The following SYT1 variants were observed in gnomAD, a reference collection of about 807,000 sequenced individuals.
The protein encoded by SYT1 is synaptotagmin 1, also known as synaptotagmin-1.
In SYT1, 8 loss-of-function variants were observed where a neutral mutation model predicts 44.8. That is an observed-to-expected ratio of 0.18 (90% CI 0.10 to 0.32). The LOEUF (loss-of-function observed/expected upper bound fraction) is 0.32, where lower values mean the gene tolerates loss of function less well. Among genes scored for constraint, SYT1 ranks in the 10% least tolerant of loss-of-function variants. The pLI is 1.00. For synonymous variants in SYT1, 154 were observed against 188.8 expected (o/e 0.82, Z 1.51); for missense variants, 286 against 509.3 (o/e 0.56, Z 4.22).
chr12:79,258,373 C>G (rs555755167), intron 4 of SYT1, among the ~76,000 whole-genome samples: 3 of 100,122 alleles, frequency 3.0e-5, no homozygotes, highest in East Asian at 4.5e-4. Flanking sequence ...ACTGCCTGAA[C>G]AGCATCACTT....
chr12:79,076,823 G>T lies in SYT1; in HGVS notation c.-18+29461G>T, dbSNP rs1329761474. Among the ~76,000 whole-genome samples the T allele has an allele frequency of 1.3e-5, 2 of 152,112 alleles. 1 individual carries two copies. The highest frequency in any genetic ancestry group is 2.9e-5 in the Non-Finnish European group (2 of 68,016). On this transcript the variant is annotated intron_variant, in intron 3 of 10. Coordinates refer to ENST00000261205, the MANE Select transcript of SYT1 (RefSeq NM_005639.3). Reference sequence around the variant, plus strand: ...CTGTCTACTAAAAATACAAAAATTGGCTGGGCATGGTGGCACGCATCTATA... The same window carrying T: ...CTGTCTACTAAAAATACAAAAATTGTCTGGGCATGGTGGCACGCATCTATA...
In SYT1 at chr12:79,044,288, T is replaced by C. The variant is rs1320983180; in HGVS notation, c.-83-3009T>C. Among the ~76,000 whole-genome samples the C allele has an allele frequency of 2.6e-5, 4 of 152,234 alleles. No individual in the cohort carries two copies. The East Asian group carries it at 7.7e-4, about 29-fold the overall frequency. The stretch of plus-strand genomic sequence containing the variant: ...CCAGTCAGACGTAGACTTGGTCTTT[T>C]CACATAGTCCCATATTTCTTGGAAG... On this transcript the variant is annotated intron_variant, in intron 2 of 10. Transcript: ENST00000261205.
At chr12:79,432,587 G>A (rs1593063307) in intron 9 of SYT1, among the ~76,000 whole-genome samples, 1 of 152,124 alleles carries the variant, frequency 6.6e-6, no homozygotes, top group East Asian at 1.9e-4. Flanking sequence ...GGTAGCACAG[G>A]GAAAGAAACT....
intron 9 of SYT1, among the ~76,000 whole-genome samples, chr12:79,362,900 A>G (rs1451682533): frequency 6.6e-6 from 1 of 152,218 alleles, no homozygotes; most frequent in Non-Finnish European, 1.5e-5. Context: ...GCTCTAGGAA[A>G]TGGAACAGAT....
intron 8 of SYT1, among the ~76,000 whole-genome samples, chr12:79,308,548 GAAA>G (rs1245137786): frequency 6.7e-4 from 82 of 122,508 alleles, no homozygotes; most frequent in African/African-American, 2.3e-3. Context: ...AAGAAAGAAA[GAAA>G]AAAGAAAGAA....
chr12:79,133,551 T>G (rs1868989169), intron 3 of SYT1, among the ~76,000 whole-genome samples: 1 of 152,156 alleles, frequency 6.6e-6, no homozygotes, highest in Non-Finnish European at 1.5e-5. Context: ...TCCAAAAAAA[T>G]TAAAAGGCTT....
chr12:79,235,085 T>C (rs1876109302), intron 4 of SYT1, among the ~76,000 whole-genome samples: 1 of 152,224 alleles, frequency 6.6e-6, no homozygotes, highest in Non-Finnish European at 1.5e-5. Flanking sequence ...ATTTATTATG[T>C]TTTCGTTTCT....
At chr12:79,315,523 A>G (rs1053975364) in intron 8 of SYT1, among the ~76,000 whole-genome samples, 1 of 152,202 alleles carries the variant, frequency 6.6e-6, no homozygotes, top group African/African-American at 2.4e-5. Context: ...TTTAAAAAAA[A>G]GTTTCAGGGA....
intron 3 of SYT1, among the ~76,000 whole-genome samples, chr12:79,073,473 G>A (rs1261370616): frequency 6.6e-6 from 1 of 152,076 alleles, no homozygotes; most frequent in East Asian, 1.9e-4. Flanking sequence ...TGTGAGGAGT[G>A]GGGAATCCCT....
chr12:79,221,890 C>G (rs1190927379), intron 4 of SYT1, among the ~76,000 whole-genome samples: 1 of 152,076 alleles, frequency 6.6e-6, no homozygotes, highest in Non-Finnish European at 1.5e-5. Flanking sequence ...CTTTTACCAG[C>G]AAATTTTATA....
At chr12:79,241,219 G>T (rs1359723076) in intron 4 of SYT1, among the ~76,000 whole-genome samples, 1 of 149,866 alleles carries the variant, frequency 6.7e-6, no homozygotes, top group African/African-American at 2.4e-5. Flanking sequence ...TGAGATTCTA[G>T]AAAAAAGCGA....
intron 9 of SYT1, among the ~76,000 whole-genome samples, chr12:79,427,541 G>A (rs766538181): frequency 1.5e-4 from 23 of 152,210 alleles, no homozygotes; most frequent in Non-Finnish European, 3.2e-4. Context: ...GAGGCTTAGA[G>A]ATTAGGAGGG....
intron 1 of SYT1, among the ~76,000 whole-genome samples, chr12:78,975,397 T>C (rs963594004): frequency 6.6e-6 from 1 of 152,206 alleles, no homozygotes; most frequent in African/African-American, 2.4e-5. Flanking sequence ...CTTTGCACCC[T>C]GCCTGGCATA....
intron 2 of SYT1, among the ~76,000 whole-genome samples, chr12:79,006,792 C>T (rs117962919): frequency 0.033 from 5,036 of 152,238 alleles, 121 homozygotes; most frequent in Non-Finnish European, 0.05. Context: ...GCTTTCTCCA[C>T]TATCAGCCAT....
chr12:79,050,287 T>C (rs1001519142), intron 3 of SYT1, among the ~76,000 whole-genome samples: 1 of 152,048 alleles, frequency 6.6e-6, no homozygotes, highest in Non-Finnish European at 1.5e-5. Flanking sequence ...TCCATCCTCA[T>C]CTTCACATTA....
intron 3 of SYT1, among the ~76,000 whole-genome samples, chr12:79,135,432 T>C (rs1193415173): frequency 1.3e-5 from 2 of 152,200 alleles, no homozygotes; most frequent in Non-Finnish European, 2.9e-5. Context: ...TGCTAGTCAA[T>C]GCATTTATAA....
intron 2 of SYT1, among the ~76,000 whole-genome samples, chr12:78,995,084 A>G (rs1870284246): frequency 6.6e-6 from 1 of 152,036 alleles, no homozygotes; most frequent in African/African-American, 2.4e-5. Context: ...CCTGGGTTTC[A>G]CTCCCAAGAT....
intron 3 of SYT1, among the ~76,000 whole-genome samples, chr12:79,048,962 T>C (rs1382707300): frequency 6.6e-6 from 1 of 151,940 alleles, no homozygotes; most frequent in Admixed American, 6.6e-5. Flanking sequence ...TTTATATATA[T>C]AATTCTGTTT....
intron 2 of SYT1, among the ~76,000 whole-genome samples, chr12:78,996,759 G>A (rs1165458798): frequency 1.3e-5 from 2 of 151,974 alleles, no homozygotes; most frequent in Non-Finnish European, 1.5e-5. Context: ...TACAGAAAAC[G>A]GGTCAAATAA....
Sources: gnomAD v4.1 joint callset for allele counts (sites outside exome capture counted in the v4.1 genomes callset) on GRCh38, gnomAD v4.1.1 for gene constraint, MANE v1.5 for transcripts, NCBI Gene and HGNC (gene_info 2026-07-23, HGNC 2026-07-21) for gene names.